Variants in RANBP2 observed in about 807,000 individuals in gnomAD.
RANBP2 encodes RAN binding protein 2.
Under a neutral mutation model 303.6 loss-of-function variants are expected in RANBP2, and 57 were observed. That is an observed-to-expected ratio of 0.19 (90% confidence interval 0.15 to 0.23). The LOEUF is 0.23. RANBP2 is among the 10% of genes least tolerant of loss of function. RANBP2 has a pLI of 1.00. For missense variants in RANBP2, 3,138 were observed against 3,780.8 expected (o/e 0.83, Z 4.46); for synonymous variants, 1,167 against 1,301.5 (o/e 0.90, Z 2.23).
At chr2:109,142,918 A>G in the RANBP2 span, among the ~76,000 whole-genome samples, 8 of 152,092 alleles carry the variant, frequency 5.3e-5, no homozygotes, top group African/African-American at 1.9e-4. Context: ...CAAGGTGACA[A>G]TTGTCGTGCT....
chr2:109,396,622 G>C, the RANBP2 span, among the ~76,000 whole-genome samples: 3 of 152,200 alleles, frequency 2.0e-5, no homozygotes, highest in Admixed American at 1.3e-4. Flanking sequence ...TTCTGAATCT[G>C]GGTGAGACCT....
chr2:109,375,928 C>G, the RANBP2 span, among the ~76,000 whole-genome samples: 1 of 152,248 alleles, frequency 6.6e-6, no homozygotes, highest in Non-Finnish European at 1.5e-5. Flanking sequence ...TCCTACATCA[C>G]CTGCACATTG....
chr2:109,490,944 C>G, the RANBP2 span: 147 of 1,477,746 alleles, frequency 9.9e-5, no homozygotes, highest in Non-Finnish European at 2.2e-5. Flanking sequence ...GAGGTAAGTG[C>G]AGGGGCTTGT....
In RANBP2 at chr2:108,745,608, T is replaced by C. The variant is rs1287800357; in HGVS notation, c.976-1103T>C. 3.2e-4 allele frequency among the ~76,000 whole-genome samples: 48 copies of C among 149,954 alleles called. 2 individuals carry two copies. The South Asian group carries it at 5.9e-3, about 18-fold the overall frequency. ...TTCTATTCATCATGCTTTTTTTTTT[T>C]CATAGGTTATTGCATGAGGATCTCT... On this transcript the variant is annotated intron_variant, in intron 7 of 28. Transcript: ENST00000283195.
the RANBP2 span, among the ~76,000 whole-genome samples, chr2:109,001,859 A>G: frequency 1.3e-5 from 2 of 151,024 alleles, no homozygotes; most frequent in African/African-American, 4.9e-5. Context: ...GCCCCCAAGT[A>G]GCTGGGACTA....
chr2:109,412,308 T>C, the RANBP2 span, among the ~76,000 whole-genome samples: 1 of 152,198 alleles, frequency 6.6e-6, no homozygotes, highest in Non-Finnish European at 1.5e-5. Context: ...TCCAGGACAT[T>C]GGGAGGTGGA....
the RANBP2 span, among the ~76,000 whole-genome samples, chr2:109,303,489 A>G: frequency 6.6e-6 from 1 of 152,178 alleles, no homozygotes; most frequent in Non-Finnish European, 1.5e-5. Flanking sequence ...TTAAGTGAAA[A>G]TATTTTCAGG....
the RANBP2 span, among the ~76,000 whole-genome samples, chr2:109,515,762 G>A: frequency 1.3e-5 from 2 of 152,192 alleles, no homozygotes; most frequent in Non-Finnish European, 2.9e-5. Flanking sequence ...TGCATCTGGT[G>A]AGGCCTCGGG....
At chr2:109,099,005 C>A in the RANBP2 span, among the ~76,000 whole-genome samples, 1 of 152,228 alleles carries the variant, frequency 6.6e-6, no homozygotes, top group Admixed American at 6.5e-5. Flanking sequence ...CAAAGGGTTG[C>A]AGCCTGCAGG....
At chr2:109,614,530 G>GC in the RANBP2 span, 1 of 1,283,750 alleles carries the variant, frequency 7.8e-7, no homozygotes, top group Non-Finnish European at 9.8e-7. Context: ...GCGGCGCTGG[G>GC]CCCCGAGGCG....
the RANBP2 span, among the ~76,000 whole-genome samples, chr2:109,403,362 T>C: frequency 0.15 from 23,342 of 152,214 alleles, 2,306 homozygotes; most frequent in East Asian, 0.3. Flanking sequence ...TCCCCGACTG[T>C]GTGGCCCACC....
the RANBP2 span, among the ~76,000 whole-genome samples, chr2:109,146,176 C>T: frequency 2.0e-5 from 3 of 152,150 alleles, no homozygotes; most frequent in Non-Finnish European, 4.4e-5. Flanking sequence ...TATTAGAATG[C>T]ATGGTACACT....
In RANBP2 at chr2:108,784,166, G is replaced by A. The variant is rs538311038; in HGVS notation, c.*265G>A. ...ATTAAAATGGAATAATACTAATCTT[G>A]TTAAAAGCAATAGACCTCAAACTAT... On this transcript the variant is annotated 3_prime_UTR_variant, in exon 29 of 29. Coordinates refer to ENST00000283195, the MANE Select transcript of RANBP2 (RefSeq NM_006267.5). 5.2e-5 allele frequency: 19 copies of A among 368,286 alleles called. No homozygotes were observed. The highest frequency in any genetic ancestry group is 3.1e-4 in the African/African-American group (15 of 48,564). 22.8% of individuals were successfully genotyped at this position (368,286 alleles called of 1,614,324 possible).
the RANBP2 span, among the ~76,000 whole-genome samples, chr2:108,961,325 C>G: frequency 6.6e-6 from 1 of 152,136 alleles, no homozygotes; most frequent in East Asian, 1.9e-4. Flanking sequence ...GGCCTCTGCC[C>G]CCAGGACCCA....
At chr2:109,311,787 A>G in the RANBP2 span, among the ~76,000 whole-genome samples, 1 of 150,376 alleles carries the variant, frequency 6.6e-6, no homozygotes, top group Non-Finnish European at 1.5e-5. Context: ...TATCAAGGCT[A>G]CCCATATGGC....
the RANBP2 span, among the ~76,000 whole-genome samples, chr2:109,213,187 C>T: frequency 6.6e-6 from 1 of 152,224 alleles, no homozygotes; most frequent in South Asian, 2.1e-4. Context: ...TGCTTATTCT[C>T]TTCCTTGGCA....
At chr2:109,425,298 G>A in the RANBP2 span, among the ~76,000 whole-genome samples, 1 of 152,260 alleles carries the variant, frequency 6.6e-6, no homozygotes, top group African/African-American at 2.4e-5. Context: ...AAAGCAGCAA[G>A]TGCTGATGGA....
the RANBP2 span, among the ~76,000 whole-genome samples, chr2:109,438,791 T>A: frequency 6.6e-6 from 1 of 152,214 alleles, no homozygotes; most frequent in Admixed American, 6.5e-5. Flanking sequence ...TTGTGCTCCC[T>A]GACTGGTCAG....
chr2:109,617,585 G>A, the RANBP2 span: 1 of 167,136 alleles, frequency 6.0e-6, no homozygotes. Flanking sequence ...AGTACCTGCA[G>A]CCTACAGGAT....
Sources: gnomAD v4.1 joint callset for allele counts (sites outside exome capture counted in the v4.1 genomes callset) on GRCh38, gnomAD v4.1.1 for gene constraint, MANE v1.5 for transcripts, NCBI Gene and HGNC (gene_info 2026-07-23, HGNC 2026-07-21) for gene names.